SASH1: variants seen among roughly 807,000 people sequenced by gnomAD.
The protein encoded by SASH1 is SAM and SH3 domain containing 1.
Under a neutral mutation model 125.2 loss-of-function variants are expected in SASH1, and 44 were observed. The ratio of observed to expected loss-of-function variants is 0.35; its 90% CI spans 0.28 to 0.45. SASH1 has a LOEUF of 0.45. Among genes scored for constraint, SASH1 ranks in the 20% least tolerant of loss-of-function variants. SASH1 has a pLI of 1.00. For missense variants in SASH1, 1,426 were observed against 1,614.5 expected, an observed-to-expected ratio of 0.88 and a Z score of 2.00; for synonymous variants, 639 against 649.1, an observed-to-expected ratio of 0.98 and a Z score of 0.24.
chr6:148,221,598 C>T, the SASH1 span, among the ~76,000 whole-genome samples: 1 of 152,180 alleles, frequency 6.6e-6, no homozygotes, highest in East Asian at 1.9e-4. Context: ...TTTACAGTGG[C>T]TACTTTAAGG....
chr6:148,249,083 A>G, the SASH1 span, among the ~76,000 whole-genome samples: 1 of 152,206 alleles, frequency 6.6e-6, no homozygotes, highest in Non-Finnish European at 1.5e-5. Context: ...TGAATGAATG[A>G]ATGAATGAAT....
intron 1 of SASH1, among the ~76,000 whole-genome samples, chr6:148,288,717 T>C (rs1779550534): frequency 2.6e-5 from 4 of 151,130 alleles, no homozygotes; most frequent in South Asian, 2.1e-4. Context: ...ACACACACTT[T>C]CCAGGCTGAG....
intron 8 of SASH1, among the ~76,000 whole-genome samples, chr6:148,506,189 T>C (rs1779790838): frequency 6.6e-6 from 1 of 151,556 alleles, no homozygotes; most frequent in African/African-American, 2.4e-5. Flanking sequence ...GAGTTAATAA[T>C]AAGGCTGGGC....
intron 1 of SASH1, among the ~76,000 whole-genome samples, chr6:148,290,900 A>G (rs955545476): frequency 2.0e-5 from 3 of 148,830 alleles, no homozygotes; most frequent in Non-Finnish European, 4.5e-5. Context: ...AAAAAAAAAG[A>G]AAGAGAAAAA....
intron 7 of SASH1, among the ~76,000 whole-genome samples, chr6:148,483,829 G>GA (rs1455569126): frequency 6.6e-6 from 1 of 151,856 alleles, no homozygotes; most frequent in Non-Finnish European, 1.5e-5. Flanking sequence ...CAGGAACCTA[G>GA]ATGTATTGTT....
At chr6:148,307,019 CTT>C (rs1780145017) in intron 1 of SASH1, among the ~76,000 whole-genome samples, 1 of 145,816 alleles carries the variant, frequency 6.9e-6, no homozygotes, top group Non-Finnish European at 1.5e-5. Context: ...CTACCTTTCT[CTT>C]TCTTTTCTTT....
rs1173799151 is a variant in SASH1, at chr6:148,382,130, T to G, written c.157-8004T>G. ...CTGGAAGTGAATCAGCAGCATATTT[T>G]TTTGACTCTGAAGGTTGGTGTAGGA... On this transcript the variant is annotated intron_variant, in intron 1 of 19. Coordinates refer to ENST00000367467, the MANE Select transcript of SASH1 (RefSeq NM_015278.5). Among the ~76,000 whole-genome samples, 6 of 152,250 alleles carry G rather than the reference T, an allele frequency of 3.9e-5. No individual in the cohort carries two copies. The South Asian group carries it at 1.2e-3, about 32-fold the overall frequency.
chr6:148,452,755 C>T (rs573934082), intron 4 of SASH1, among the ~76,000 whole-genome samples: 2 of 152,128 alleles, frequency 1.3e-5, no homozygotes, highest in Non-Finnish European at 2.9e-5. Context: ...GGCAGTGAGT[C>T]TGTGGTGTCT....
the SASH1 span, among the ~76,000 whole-genome samples, chr6:148,255,732 T>C: frequency 1.3e-5 from 2 of 152,046 alleles, no homozygotes; most frequent in African/African-American, 4.8e-5. Context: ...AATCTCCATA[T>C]CCTAGGCTCA....
intron 7 of SASH1, among the ~76,000 whole-genome samples, chr6:148,484,403 A>C (rs1193249446): frequency 6.6e-6 from 1 of 152,214 alleles, no homozygotes; most frequent in Non-Finnish European, 1.5e-5. Context: ...AACACTACAG[A>C]TTTGCTTTAA....
chr6:148,241,094 G>GA, the SASH1 span, among the ~76,000 whole-genome samples: 9,156 of 151,882 alleles, frequency 0.06, 299 homozygotes, highest in Middle Eastern at 0.11. Context: ...CCATCAAGGG[G>GA]AAAAAAAATA....
rs17642133 is a variant in SASH1, at chr6:148,468,280, T to C, written c.387-265T>C. ...GTTCACAGAATGAAAGGTACTTCAG[T>C]GATCGTCTAGTGAAGTCTGTCTTCT... On this transcript the variant is annotated intron_variant, in intron 4 of 19. Coordinates refer to ENST00000367467, the MANE Select transcript of SASH1 (RefSeq NM_015278.5). Among the ~76,000 whole-genome samples the C allele has an allele frequency of 0.087, 13,276 of 152,328 alleles. 754 individuals are homozygous for C. The highest frequency in any genetic ancestry group is 0.13 in the Non-Finnish European group (8,725 of 68,020).
chr6:148,441,949 T>G (rs1776565546), intron 4 of SASH1, among the ~76,000 whole-genome samples: 2 of 152,262 alleles, frequency 1.3e-5, no homozygotes, highest in South Asian at 2.1e-4. Flanking sequence ...TATTGTCATT[T>G]TGCCTCTGTA....
At chr6:148,399,485 C>T (rs1583088292) in intron 2 of SASH1, among the ~76,000 whole-genome samples, 2 of 152,146 alleles carry the variant, frequency 1.3e-5, no homozygotes, top group East Asian at 3.9e-4. Context: ...GTCAGCCCCC[C>T]AAAATGCTAG....
chr6:148,420,774 A>G (rs1208512948), intron 2 of SASH1, among the ~76,000 whole-genome samples: 2 of 151,984 alleles, frequency 1.3e-5, no homozygotes, highest in African/African-American at 2.4e-5. Context: ...GCAATTTCCA[A>G]TTTTTTGTTA....
intron 10 of SASH1, among the ~76,000 whole-genome samples, chr6:148,522,027 G>A (rs1780846363): frequency 6.6e-6 from 1 of 152,208 alleles, no homozygotes; most frequent in Non-Finnish European, 1.5e-5. Context: ...GCTAGTTAGT[G>A]TTGTAGGCCA....
intron 1 of SASH1, among the ~76,000 whole-genome samples, chr6:148,377,194 A>C (rs1352971859): frequency 1.3e-4 from 18 of 143,848 alleles, no homozygotes; most frequent in East Asian, 4.2e-4. Flanking sequence ...CAAAAAAAAA[A>C]CAAAAAAAAA....
At chr6:148,412,207 A>G (rs974506687) in intron 2 of SASH1, among the ~76,000 whole-genome samples, 1 of 152,218 alleles carries the variant, frequency 6.6e-6, no homozygotes, top group African/African-American at 2.4e-5. Flanking sequence ...TGAGAAATTT[A>G]TGGTTCACTT....
chr6:148,316,844 A>G (rs1475515637), intron 1 of SASH1, among the ~76,000 whole-genome samples: 1 of 152,230 alleles, frequency 6.6e-6, no homozygotes, highest in Non-Finnish European at 1.5e-5. Flanking sequence ...TAGAATTATG[A>G]GAAAAGGTGT....
Sources: allele counts gnomAD v4.1 joint callset (sites outside exome capture counted in the v4.1 genomes callset), GRCh38; gene constraint gnomAD v4.1.1; transcripts MANE v1.5; gene names NCBI Gene and HGNC (gene_info 2026-07-23, HGNC 2026-07-21).